The following PSTPIP2 variants were observed in gnomAD, a reference collection of about 807,000 sequenced individuals.
PSTPIP2 encodes proline-serine-threonine phosphatase-interacting protein 2.
PSTPIP2 carries 33 observed loss-of-function variants against 63.3 expected under a neutral mutation model. The ratio of observed to expected loss-of-function variants is 0.52; its 90% CI spans 0.40 to 0.70. PSTPIP2 has a LOEUF of 0.70. PSTPIP2 is among the 30% of genes least tolerant of loss of function. The pLI, the probability that PSTPIP2 is intolerant of heterozygous loss-of-function variation, is 0.00. For missense variants in PSTPIP2, 312 were observed against 400.7 expected (o/e 0.78, Z 1.89); for synonymous variants, 125 against 132.7 (o/e 0.94, Z 0.40).
rs75768429 is a variant in PSTPIP2, at chr18:46,070,865, A to G, written c.33+1291T>C. 5.3e-4 allele frequency among the ~76,000 whole-genome samples: 80 copies of G among 152,176 alleles called. No individual in the cohort carries two copies. In the East Asian group the frequency reaches 0.015, roughly 29 times the overall value. On this transcript the variant is annotated intron_variant, in intron 1 of 14. Coordinates refer to ENST00000409746, the MANE Select transcript of PSTPIP2 (RefSeq NM_024430.4). ...TCTGCCTCCTTCTCCTTATGTCTCC[A>G]CGAACCAGTTCCTCTGCTGACTTCC...
chr18:46,001,799 G>A (rs771519918), intron 6 of PSTPIP2, among the ~76,000 whole-genome samples: 28 of 151,952 alleles, frequency 1.8e-4, no homozygotes, highest in Non-Finnish European at 3.4e-4. Flanking sequence ...TGGGGTATAT[G>A]AGATGTTTTG....
chr18:46,021,721 G>A (rs1260272302), intron 3 of PSTPIP2, among the ~76,000 whole-genome samples: 1 of 151,530 alleles, frequency 6.6e-6, no homozygotes, highest in Non-Finnish European at 1.5e-5. Flanking sequence ...CAAGGCGGAT[G>A]GATCACTTGA....
chr18:46,070,368 A>T (rs1450324878), intron 1 of PSTPIP2, among the ~76,000 whole-genome samples: 1 of 152,188 alleles, frequency 6.6e-6, no homozygotes, highest in Non-Finnish European at 1.5e-5. Flanking sequence ...CCTCTCCGCT[A>T]AGACCTCCCC....
At chr18:45,992,774 G>A (rs1050282944) in intron 10 of PSTPIP2, among the ~76,000 whole-genome samples, 1 of 151,862 alleles carries the variant, frequency 6.6e-6, no homozygotes. Context: ...CTGCAGTGCA[G>A]TGCAGTGGTG....
chr18:46,054,801 C>T (rs1027552462), intron 1 of PSTPIP2, among the ~76,000 whole-genome samples: 8 of 151,934 alleles, frequency 5.3e-5, no homozygotes, highest in Admixed American at 2.6e-4. Flanking sequence ...TCTAGGATTA[C>T]AGGCACGTGC....
intron 3 of PSTPIP2, among the ~76,000 whole-genome samples, chr18:46,018,155 G>T (rs2051870881): frequency 6.6e-6 from 1 of 151,450 alleles, no homozygotes; most frequent in Non-Finnish European, 1.5e-5. Context: ...TTGTTTTTTA[G>T]ATCTGTTAGT....
intron 6 of PSTPIP2, 96 bp downstream of exon 6, chr18:46,005,373 T>A: frequency 9.6e-7 from 1 of 1,037,652 alleles, no homozygotes; most frequent in Non-Finnish European, 1.4e-6. Context: ...AATAACATTT[T>A]TGAAATGTTA....
chr18:45,990,936 C>T (rs7237564), intron 12 of PSTPIP2, among the ~76,000 whole-genome samples, 180 bp from the exon 13 acceptor site: 36,589 of 152,002 alleles, frequency 0.24, 6,285 homozygotes, highest in African/African-American at 0.47. Context: ...AAGTTGCAGA[C>T]GTCGTACTAT....
intron 4 of PSTPIP2, among the ~76,000 whole-genome samples, chr18:46,015,650 C>G (rs1001359801): frequency 2.0e-5 from 3 of 152,122 alleles, no homozygotes; most frequent in Non-Finnish European, 2.9e-5. Flanking sequence ...ATAACAAGCC[C>G]TCCAGGTGAT....
intron 9 of PSTPIP2, among the ~76,000 whole-genome samples, chr18:45,997,234 G>GC (rs1239063709): frequency 2.0e-5 from 3 of 152,110 alleles, no homozygotes; most frequent in African/African-American, 7.2e-5. Flanking sequence ...TGTCGCCCAG[G>GC]CTGGAGTGCA....
intron 2 of PSTPIP2, chr18:46,029,460 G>A: frequency 4.9e-6 from 6 of 1,219,510 alleles, no homozygotes; most frequent in Non-Finnish European, 7.3e-6. Context: ...TGCCTTAACA[G>A]ATTTGTTGAT....
At chr18:46,068,241 AG>A in intron 1 of PSTPIP2, among the ~76,000 whole-genome samples, 1 of 152,360 alleles carries the variant, frequency 6.6e-6, no homozygotes, top group African/African-American at 2.4e-5. Flanking sequence ...AGATGTGTGT[AG>A]GTTATATGTA....
intron 1 of PSTPIP2, among the ~76,000 whole-genome samples, chr18:46,045,523 A>T (rs1023247049): frequency 1.3e-5 from 2 of 150,256 alleles, no homozygotes; most frequent in Admixed American, 6.6e-5. Flanking sequence ...GGGTAGGGGG[A>T]GGGGGAAGGG....
chr18:45,990,588 C>G (rs1189974840), intron 13 of PSTPIP2, 134 bp downstream of exon 13: 1 of 678,950 alleles, frequency 1.5e-6, no homozygotes, highest in Non-Finnish European at 2.4e-6. Flanking sequence ...CACCACCACA[C>G]CCAGCTAATT....
intron 1 of PSTPIP2, among the ~76,000 whole-genome samples, chr18:46,052,381 C>T (rs530317659): frequency 6.6e-6 from 1 of 152,138 alleles, no homozygotes; most frequent in African/African-American, 2.4e-5. Context: ...TATCAGCTAG[C>T]CTCTAGTTGA....
chr18:46,015,446 A>G (rs1411283316), intron 4 of PSTPIP2, among the ~76,000 whole-genome samples: 1 of 152,142 alleles, frequency 6.6e-6, no homozygotes, highest in Non-Finnish European at 1.5e-5. Context: ...GTGGAGGAGC[A>G]CTTGGATGAC....
At chr18:46,049,741 G>A (rs544460330) in intron 1 of PSTPIP2, among the ~76,000 whole-genome samples, 1 of 152,236 alleles carries the variant, frequency 6.6e-6, no homozygotes, top group South Asian at 2.1e-4. Flanking sequence ...TTAGCTGGGC[G>A]TGGTGGCACG....
intron 1 of PSTPIP2, among the ~76,000 whole-genome samples, chr18:46,057,473 G>C (rs1317370166): frequency 6.6e-6 from 1 of 151,416 alleles, no homozygotes; most frequent in Non-Finnish European, 1.5e-5. Flanking sequence ...GATTACAGGC[G>C]AGCGCCACCA....
At chr18:46,057,333 C>CT (rs1187275590) in intron 1 of PSTPIP2, among the ~76,000 whole-genome samples, 2,136 of 145,698 alleles carry the variant, frequency 0.015, 29 homozygotes, top group Admixed American at 0.039. Context: ...TTTTCTTTTT[C>CT]TTTTTTTTTT....
Sources: allele counts gnomAD v4.1 joint callset (sites outside exome capture counted in the v4.1 genomes callset), GRCh38; gene constraint gnomAD v4.1.1; transcripts MANE v1.5; gene names NCBI Gene and HGNC (gene_info 2026-07-23, HGNC 2026-07-21).